Variants in NFKB1 observed in about 807,000 individuals in gnomAD.
The protein encoded by NFKB1 is nuclear factor NF-kappa-B p105 subunit.
NFKB1 carries 9 observed loss-of-function variants against 105.1 expected under a neutral mutation model. The ratio of observed to expected loss-of-function variants is 0.09; its 90% CI spans 0.05 to 0.15. The LOEUF is 0.15. Ranked by LOEUF, NFKB1 falls within the 10% of genes least tolerant of loss-of-function variation. The pLI is 1.00. For synonymous variants in NFKB1, 440 were observed against 442.2 expected (o/e 1.00, Z 0.06); for missense variants, 830 against 1,203.7 (o/e 0.69, Z 4.59).
intron 5 of NFKB1, among the ~76,000 whole-genome samples, chr4:102,554,840 G>C (rs912464602): frequency 1.3e-5 from 2 of 152,130 alleles, no homozygotes; most frequent in African/African-American, 4.8e-5. Context: ...CCTTGGCCAA[G>C]CCCCCACACA....
chr4:102,584,089 G>A (rs1419792592), intron 10 of NFKB1, among the ~76,000 whole-genome samples: 1 of 151,998 alleles, frequency 6.6e-6, no homozygotes, highest in Non-Finnish European at 1.5e-5. Context: ...GCATGGATGG[G>A]GAACAAGAAT....
chr4:102,568,682 G>A (rs1222640985), intron 6 of NFKB1, among the ~76,000 whole-genome samples: 2 of 152,022 alleles, frequency 1.3e-5, no homozygotes, highest in Non-Finnish European at 2.9e-5. Flanking sequence ...TCTATAATTT[G>A]GTGTTTCTGT....
chr4:102,613,910 T>G (rs1728683647), intron 23 of NFKB1, among the ~76,000 whole-genome samples: 1 of 152,172 alleles, frequency 6.6e-6, no homozygotes, highest in Admixed American at 6.5e-5. Flanking sequence ...ACCATCTCCT[T>G]CTTCCTTTGC....
At chr4:102,537,622 G>A in intron 4 of NFKB1, 1 of 372,430 alleles carries the variant, frequency 2.7e-6, no homozygotes. Context: ...AGGTTCCATG[G>A]GCTTAGGTAC....
At chr4:102,613,674 T>G in intron 23 of NFKB1, 93 bp downstream of exon 23, 1 of 1,409,400 alleles carries the variant, frequency 7.1e-7, no homozygotes, top group Non-Finnish European at 9.5e-7. Flanking sequence ...GCAGTTTTCT[T>G]TCTCGTTTTC....
intron 23 of NFKB1, 29 bp from the exon 24 acceptor site, chr4:102,616,405 C>T: frequency 6.2e-7 from 1 of 1,610,978 alleles, no homozygotes; most frequent in South Asian, 1.1e-5. Context: ...CGGCCATTCC[C>T]CCAGTGAATT....
chr4:102,608,872 G>T (rs185923984), intron 19 of NFKB1, among the ~76,000 whole-genome samples: 1 of 152,232 alleles, frequency 6.6e-6, no homozygotes, highest in East Asian at 1.9e-4. Flanking sequence ...GCTATAACCA[G>T]CCAGACGTGA....
intron 5 of NFKB1, among the ~76,000 whole-genome samples, chr4:102,556,322 A>G (rs1204250434): frequency 3.3e-5 from 5 of 152,162 alleles, no homozygotes; most frequent in Admixed American, 2.6e-4. Flanking sequence ...TGAGATTTCA[A>G]TTTAGCCATC....
In NFKB1 at chr4:102,616,488, G is replaced by T. The variant is rs751585372; in HGVS notation, c.2804G>T (p.Arg935Leu). ...VCDSGVETSF[R>L]KLSFTESLTS... ...GACAGCGGCGTGGAGACATCCTTCC[G>T]CAAACTCAGCTTTACCGAGTCTCTG... Residue 935 changes from arginine (R) to leucine (L), a missense_variant, in exon 24 of 24, where the codon CGC (arginine) becomes CTC (leucine). Arg to Leu is a moderately radical substitution (Grantham distance 102, BLOSUM62 -2). Transcript: ENST00000226574. 1 of 1,614,000 alleles carries T rather than the reference G, an allele frequency of 6.2e-7. No individual in the cohort carries two copies. The highest frequency in any genetic ancestry group is 1.1e-5 in the South Asian group (1 of 91,070).
intron 19 of NFKB1, among the ~76,000 whole-genome samples, chr4:102,608,597 A>G (rs937714640): frequency 6.6e-6 from 1 of 152,066 alleles, no homozygotes; most frequent in Non-Finnish European, 1.5e-5. Flanking sequence ...AGAACCTCAA[A>G]ATATGTGTAA....
intron 10 of NFKB1, among the ~76,000 whole-genome samples, chr4:102,584,309 C>G (rs1725545442): frequency 6.6e-6 from 1 of 152,254 alleles, no homozygotes; most frequent in Non-Finnish European, 1.5e-5. Flanking sequence ...CATACCCAGT[C>G]TTTCTGATGT....
chr4:102,578,846 C>T, intron 7 of NFKB1, 35 bp from the exon 8 acceptor site: 2 of 1,589,346 alleles, frequency 1.3e-6, no homozygotes, highest in African/African-American at 1.3e-5. Flanking sequence ...TTCACACTTC[C>T]CTGGGCATGA....
chr4:102,564,463 G>C (rs1723693410), intron 5 of NFKB1, among the ~76,000 whole-genome samples: 1 of 152,158 alleles, frequency 6.6e-6, no homozygotes, highest in African/African-American at 2.4e-5. Flanking sequence ...AACCCAGGGG[G>C]CTCCCTGTCT....
chr4:102,549,133 G>A (rs1722373194), intron 5 of NFKB1, among the ~76,000 whole-genome samples: 1 of 152,000 alleles, frequency 6.6e-6, no homozygotes, highest in South Asian at 2.1e-4. Flanking sequence ...TACTCAATTA[G>A]TATAGAAATA....
intron 1 of NFKB1, among the ~76,000 whole-genome samples, chr4:102,502,412 A>G (rs1308849658): frequency 1.4e-5 from 2 of 142,402 alleles, no homozygotes; most frequent in Non-Finnish European, 3.1e-5. Context: ...ACACACACAC[A>G]CACACACACA....
At chr4:102,570,334 G>C (rs1265368366) in intron 6 of NFKB1, among the ~76,000 whole-genome samples, 2 of 152,164 alleles carry the variant, frequency 1.3e-5, no homozygotes, top group African/African-American at 4.8e-5. Flanking sequence ...TCCTGCATTA[G>C]TTTGCTAAGG....
At chr4:102,544,121 T>A (rs749185103) in intron 5 of NFKB1, among the ~76,000 whole-genome samples, 2 of 147,996 alleles carry the variant, frequency 1.4e-5, no homozygotes, top group Non-Finnish European at 3.0e-5. Flanking sequence ...TGTATGTATG[T>A]GCATTTTTTC....
In NFKB1 at chr4:102,613,536, GC is replaced by G. The variant is rs1338855578; in HGVS notation, c.2707del (p.His903ThrfsTer14). 6.2e-7 allele frequency: 1 copy of G among 1,613,620 alleles called. No individual in the cohort carries two copies. The highest frequency in any genetic ancestry group is 8.5e-7 in the Non-Finnish European group (1 of 1,179,956). The part of the protein sequence containing the change: ...ASSPVKTTSQ[A>X]HSLPLSPAST... ...CAGCCCAGTGAAGACCACCTCTCAG[GC>G]CCACTCGCTGCCTCTCTCGCCTGCC... On this transcript the variant is annotated frameshift_variant, in exon 23 of 24. Transcript: ENST00000226574. LOFTEE classifies it high-confidence loss of function.
At position 102,529,912 on chromosome 4, in the gene NFKB1, C is replaced by T; in HGVS notation, c.116C>T (p.Thr39Ile). 1 of 1,606,180 alleles carries T rather than the reference C, an allele frequency of 6.2e-7. No individual in the cohort carries two copies. The highest frequency in any genetic ancestry group is 8.5e-7 in the Non-Finnish European group (1 of 1,174,296). Reference protein sequence around the residue: ...EVFQPQMALPTADGPYLQILE... With the variant: ...EVFQPQMALPIADGPYLQILE... ...TTTCAACCACAGATGGCACTGCCAACAGGTAAGAAAACTCATCCCTGTTAC... is the reference window on the plus strand; with the variant it reads ...TTTCAACCACAGATGGCACTGCCAATAGGTAAGAAAACTCATCCCTGTTAC... The change falls in exon 3 of 24, where the codon ACA becomes ATA. Residue 39 changes from threonine to isoleucine, a missense_variant and splice_region_variant. This residue lies in a region of NFKB1 where 46 missense variants were observed against 48.3 expected (regional missense o/e 0.95). Coordinates refer to ENST00000226574, the MANE Select transcript of NFKB1 (RefSeq NM_003998.4).
Sources: gnomAD v4.1 joint callset for allele counts (sites outside exome capture counted in the v4.1 genomes callset) on GRCh38, gnomAD v4.1.1 for gene constraint, gnomAD v4.1.1 regional missense constraint, MANE v1.5 for transcripts, NCBI Gene and HGNC (gene_info 2026-07-23, HGNC 2026-07-21) for gene names.